Variants in CUX1 observed in about 807,000 individuals in gnomAD.
CUX1 encodes protein CASP.
A neutral mutation model predicts 158.8 loss-of-function variants in CUX1; 31 were observed. The ratio of observed to expected loss-of-function variants is 0.20; its 90% confidence interval spans 0.15 to 0.26. The LOEUF (loss-of-function observed/expected upper bound fraction) is 0.26. Ranked by LOEUF, CUX1 falls within the 10% of genes least tolerant of loss-of-function variation. The pLI is 1.00. For synonymous variants in CUX1, 879 were observed against 862.1 expected (o/e 1.02, Z -0.34); for missense variants, 1,589 against 2,014.6 (o/e 0.79, Z 4.04).
At chr7:102,218,378 C>G (rs1225011769) in intron 20 of CUX1, among the ~76,000 whole-genome samples, 1 of 152,188 alleles carries the variant, frequency 6.6e-6, no homozygotes, top group Non-Finnish European at 1.5e-5. Context: ...CAACCTTGCT[C>G]TAATTGAAAC....
chr7:102,175,568 C>T (rs905626727), intron 10 of CUX1, among the ~76,000 whole-genome samples: 1 of 152,098 alleles, frequency 6.6e-6, no homozygotes, highest in Admixed American at 6.6e-5. Flanking sequence ...CCCCACACTC[C>T]TGCCAGCCTC....
intron 3 of CUX1, among the ~76,000 whole-genome samples, chr7:102,049,675 A>G (rs1214661176): frequency 6.6e-6 from 1 of 152,074 alleles, no homozygotes; most frequent in Non-Finnish European, 1.5e-5. Flanking sequence ...TCCCATCTCT[A>G]CCAAAAAAAA....
At chr7:101,904,413 G>C (rs1290916864) in intron 1 of CUX1, among the ~76,000 whole-genome samples, 2 of 152,036 alleles carry the variant, frequency 1.3e-5, no homozygotes, top group Admixed American at 1.3e-4. Flanking sequence ...CATTTTCTGG[G>C]GGTGTGCTGA....
chr7:102,168,501 G>T (rs2131662259), intron 9 of CUX1, among the ~76,000 whole-genome samples: 1 of 151,990 alleles, frequency 6.6e-6, no homozygotes, highest in Non-Finnish European at 1.5e-5. Flanking sequence ...ACAAAAATTA[G>T]CCAGGCATGG....
chr7:102,227,274 C>A, intron 20 of CUX1, 93 bp from the exon 21 acceptor site: 1 of 1,098,956 alleles, frequency 9.1e-7, no homozygotes, highest in Non-Finnish European at 1.3e-6. Flanking sequence ...TCCTACAGAG[C>A]GTTTAATTAG....
intron 1 of CUX1, among the ~76,000 whole-genome samples, chr7:101,839,318 A>G (rs1369317897): frequency 6.7e-6 from 1 of 149,866 alleles, no homozygotes; most frequent in Non-Finnish European, 1.5e-5. Flanking sequence ...CCCTCCATGC[A>G]CAGCACTGCT....
chr7:101,870,333 TTTG>T (rs377712568), intron 1 of CUX1, among the ~76,000 whole-genome samples: 7 of 151,784 alleles, frequency 4.6e-5, no homozygotes, highest in Admixed American at 6.6e-5. Flanking sequence ...ATTTTTGTAT[TTTG>T]TTGTTGTTGT....
chr7:102,122,602 G>T (rs1381460665), intron 8 of CUX1, among the ~76,000 whole-genome samples: 1 of 152,152 alleles, frequency 6.6e-6, no homozygotes, highest in Non-Finnish European at 1.5e-5. Flanking sequence ...TCCCCAGGTT[G>T]GGGGCTAGAC....
chr7:102,167,515 G>A (rs549546122), intron 9 of CUX1, among the ~76,000 whole-genome samples: 1 of 152,306 alleles, frequency 6.6e-6, no homozygotes, highest in African/African-American at 2.4e-5. Flanking sequence ...TCAGGGTGGT[G>A]AGGCCACCTC....
rs77000722 is a variant in CUX1, at chr7:101,919,176, C to T, written c.141+2951C>T. 8.0e-3 allele frequency among the ~76,000 whole-genome samples: 1,215 copies of T among 152,274 alleles called. 8 individuals carry two copies. The highest frequency in any genetic ancestry group is 0.02 in the Middle Eastern group (6 of 294). On this transcript the variant is annotated intron_variant, in intron 2 of 23. Coordinates refer to ENST00000292535, the MANE Select transcript of CUX1 (RefSeq NM_181552.4). Reference sequence around the variant, plus strand: ...CTGGGTGTGCAGGAGGCGGAGTTCCCTGCTGTTCCCTGTGACAGCAGGTGT... The same window carrying T: ...CTGGGTGTGCAGGAGGCGGAGTTCCTTGCTGTTCCCTGTGACAGCAGGTGT...
At position 102,252,742 on chromosome 7, in the gene CUX1, G is replaced by A. The variant is rs372237205; in HGVS notation, c.*3700G>A. On this transcript the variant is annotated 3_prime_UTR_variant, in exon 24 of 24. Transcript: ENST00000292535. ...TCTTCTGTCCTCCTCCCCAACCCCC[G>A]AGCTCCCTGGTAACCTCCTCTTGAA... 19 of 985,290 alleles carry A rather than the reference G, an allele frequency of 1.9e-5. 1 individual carries two copies. The highest frequency in any genetic ancestry group is 1.2e-4 in the Admixed American group (2 of 16,248). The allele number at this position is 985,290 out of a possible 1,614,324, so 61.0% of individuals were successfully genotyped here.
intron 19 of CUX1, 122 bp downstream of exon 19, chr7:102,204,678 A>G: frequency 1.6e-6 from 2 of 1,285,088 alleles, no homozygotes; most frequent in Non-Finnish European, 2.1e-6. Context: ...GTGGCCAACC[A>G]CACTCCCCAC....
At chr7:102,170,607 TTA>T (rs1791605126) in intron 10 of CUX1, 57 bp downstream of exon 10, 3 of 1,167,842 alleles carry the variant, frequency 2.6e-6, no homozygotes, top group Non-Finnish European at 3.7e-6. Flanking sequence ...CACCTTCGAG[TTA>T]CAGCCGCTTG....
rs530850179 is a variant in CUX1, at chr7:102,131,123, A to G, written c.674+15850A>G. On this transcript the variant is annotated intron_variant, in intron 8 of 23. Coordinates refer to ENST00000292535, the MANE Select transcript of CUX1 (RefSeq NM_181552.4). ...GACTCCATCTCAAAAAAAAAAAAAAAAAACTCTCCAGTTTGTAGGATTTAA... is the reference window on the plus strand; with the variant it reads ...GACTCCATCTCAAAAAAAAAAAAAAGAAACTCTCCAGTTTGTAGGATTTAA... 6.8e-4 allele frequency among the ~76,000 whole-genome samples: 103 copies of G among 152,182 alleles called. 1 individual carries two copies. The East Asian group carries it at 0.019, about 28-fold the overall frequency.
At chr7:102,275,223 A>G in intron 16 of CUX1, 1 of 1,568,858 alleles carries the variant, frequency 6.4e-7, no homozygotes, top group South Asian at 1.2e-5. Flanking sequence ...GCCACCCCCC[A>G]AGCCACCCTC....
rs549271939 is a variant in CUX1 at position 102,115,453 on chromosome 7, C to T, written c.674+180C>T. The T allele has an allele frequency of 1.2e-5, 6 of 512,910 alleles. No individual in the cohort carries two copies. In the Admixed American group the frequency reaches 2.4e-4, roughly 21 times the overall value. 31.8% of individuals were successfully genotyped at this position (512,910 alleles called of 1,614,324 possible). A position where few individuals can be genotyped will look rare whatever the true frequency, so the allele number is the denominator to read the frequency against. ...AGCACTCACTGGGTAATCCTTCCAA[C>T]AAACTTCTTTCCTTCTTTATTGTGA... On this transcript the variant is annotated intron_variant, in intron 8 of 23. Transcript: ENST00000292535.
chr7:102,202,254 T>C (rs782665552), intron 18 of CUX1, 50 bp downstream of exon 18: 5 of 1,544,624 alleles, frequency 3.2e-6, no homozygotes, highest in Non-Finnish European at 3.5e-6. Flanking sequence ...TTCTCCTTGC[T>C]GAGGACCAAG....
At chr7:101,856,239 G>A (rs987620873) in intron 1 of CUX1, among the ~76,000 whole-genome samples, 7 of 149,876 alleles carry the variant, frequency 4.7e-5, no homozygotes, top group South Asian at 2.1e-4. Flanking sequence ...GCTAAATTCT[G>A]CTGGAAGTGT....
intron 7 of CUX1, among the ~76,000 whole-genome samples, chr7:102,112,297 A>C (rs1830993412): frequency 7.1e-6 from 1 of 140,832 alleles, no homozygotes; most frequent in Non-Finnish European, 1.5e-5. Context: ...GCTGGAGTGC[A>C]GTGGCACGAT....
Sources: allele counts gnomAD v4.1 joint callset (sites outside exome capture counted in the v4.1 genomes callset), GRCh38; gene constraint gnomAD v4.1.1; transcripts MANE v1.5; gene names NCBI Gene and HGNC (gene_info 2026-07-23, HGNC 2026-07-21).